ZNF532: variants seen among roughly 807,000 people sequenced by gnomAD.
ZNF532 encodes zinc finger protein 532.
A neutral mutation model predicts 89.3 loss-of-function variants in ZNF532; 22 were observed. The ratio of observed to expected loss-of-function variants is 0.25; its 90% confidence interval spans 0.18 to 0.35. The LOEUF is 0.35. ZNF532 is among the 10% of genes least tolerant of loss of function. The pLI is 1.00. For missense variants in ZNF532, 1,132 were observed against 1,643.4 expected, an observed-to-expected ratio of 0.69 and a Z score of 5.38; for synonymous variants, 606 against 649.6, an observed-to-expected ratio of 0.93 and a Z score of 1.02.
intron 7 of ZNF532, among the ~76,000 whole-genome samples, chr18:58,957,406 C>CATACATAT (rs1225813265): frequency 5.0e-5 from 7 of 138,912 alleles, no homozygotes; most frequent in East Asian, 4.6e-4. Flanking sequence ...ACTTAAAATA[C>CATACATAT]ATATATATAT....
intron 2 of ZNF532, among the ~76,000 whole-genome samples, chr18:58,888,731 TATATATATATTTTA>T (rs1568245201): frequency 1.0e-4 from 5 of 49,972 alleles, no homozygotes; most frequent in African/African-American, 3.3e-4. Flanking sequence ...ATATAAATTA[TATATATATATTTTA>T]TATATATATA....
intron 2 of ZNF532, among the ~76,000 whole-genome samples, chr18:58,910,793 G>C (rs1234164319): frequency 6.6e-6 from 1 of 151,932 alleles, no homozygotes; most frequent in Non-Finnish European, 1.5e-5. Context: ...TCAAGGGTTT[G>C]ACAGATGCAC....
intron 4 of ZNF532, among the ~76,000 whole-genome samples, chr18:58,938,799 G>A (rs1285646553): frequency 6.6e-6 from 1 of 152,196 alleles, no homozygotes; most frequent in East Asian, 1.9e-4. Flanking sequence ...AGATGGGTAG[G>A]AAACTCAGGG....
chr18:58,950,728 A>G (rs1430736293), intron 6 of ZNF532, among the ~76,000 whole-genome samples: 2 of 152,174 alleles, frequency 1.3e-5, no homozygotes, highest in Non-Finnish European at 1.5e-5. Context: ...AGTTACAGAC[A>G]CTCATTCAAA....
chr18:58,914,000 T>C (rs1057174054), intron 2 of ZNF532, among the ~76,000 whole-genome samples: 1 of 152,254 alleles, frequency 6.6e-6, no homozygotes, highest in African/African-American at 2.4e-5. Context: ...ACTGACATTC[T>C]CTAATTGGAA....
intron 2 of ZNF532, among the ~76,000 whole-genome samples, chr18:58,867,412 G>A (rs2056573349): frequency 6.6e-6 from 1 of 152,144 alleles, no homozygotes; most frequent in South Asian, 2.1e-4. Context: ...TCTCTGGGGC[G>A]GGAGTCATGA....
At chr18:58,907,284 C>T (rs569824882) in intron 2 of ZNF532, among the ~76,000 whole-genome samples, 2 of 152,230 alleles carry the variant, frequency 1.3e-5, no homozygotes, top group African/African-American at 4.8e-5. Flanking sequence ...CTCCTGGGCT[C>T]AAGCGATTCT....
At chr18:58,892,875 G>A (rs543707020) in intron 2 of ZNF532, among the ~76,000 whole-genome samples, 2 of 151,966 alleles carry the variant, frequency 1.3e-5, no homozygotes, top group African/African-American at 2.4e-5. Context: ...TGTGACTGCT[G>A]TTTCTGTAGT....
intron 2 of ZNF532, among the ~76,000 whole-genome samples, chr18:58,917,544 A>AC (rs1396871469): frequency 1.3e-5 from 2 of 152,128 alleles, no homozygotes; most frequent in Non-Finnish European, 2.9e-5. Flanking sequence ...TCCCTCAAGC[A>AC]CTGCATGTAT....
At chr18:58,917,383 C>A (rs2060676695) in intron 2 of ZNF532, among the ~76,000 whole-genome samples, 1 of 152,206 alleles carries the variant, frequency 6.6e-6, no homozygotes, top group Non-Finnish European at 1.5e-5. Context: ...GACAAGTACA[C>A]ACAGACTGGA....
At position 58,972,353 on chromosome 18, in the gene ZNF532, G is replaced by A. The variant is rs534811436; in HGVS notation, c.3151-6702G>A. Among the ~76,000 whole-genome samples, 19 of 152,348 alleles carry A rather than the reference G, an allele frequency of 1.2e-4. No homozygotes were observed. In the South Asian group the frequency reaches 3.9e-3, roughly 32 times the overall value. On this transcript the variant is annotated intron_variant, in intron 7 of 9. Transcript: ENST00000591808. ...GTATATTCAGAAAAGTGGGAAGGCTGTGTCATTAGAAATTGACAGTGGTTA... is the reference window on the plus strand; with the variant it reads ...GTATATTCAGAAAAGTGGGAAGGCTATGTCATTAGAAATTGACAGTGGTTA...
chr18:58,876,227 C>G (rs1312077498), intron 2 of ZNF532, among the ~76,000 whole-genome samples: 1 of 152,132 alleles, frequency 6.6e-6, no homozygotes, highest in Non-Finnish European at 1.5e-5. Flanking sequence ...AGCCACCGCG[C>G]CCAGCCTCAC....
intron 2 of ZNF532, among the ~76,000 whole-genome samples, chr18:58,883,754 CCA>C (rs1397782976): frequency 3.5e-5 from 5 of 143,756 alleles, no homozygotes; most frequent in African/African-American, 1.5e-4. Flanking sequence ...TGACCTCTAC[CCA>C]CTATATGCCA....
chr18:58,944,944 C>G (rs1411368547), intron 5 of ZNF532, among the ~76,000 whole-genome samples: 1 of 152,194 alleles, frequency 6.6e-6, no homozygotes, highest in Admixed American at 6.5e-5. Flanking sequence ...GTGTTCTGCT[C>G]TCTTCCACAA....
At chr18:58,935,004 A>G (rs1213411242) in intron 4 of ZNF532, among the ~76,000 whole-genome samples, 1 of 152,070 alleles carries the variant, frequency 6.6e-6, no homozygotes, top group African/African-American at 2.4e-5. Context: ...AAACAGAAAT[A>G]GTGCGATGGT....
Position 58,888,717 on chromosome 18 carries a change from A to AAAAT in ZNF532, c.-18+23138_-18+23139insAAAT, listed in dbSNP as rs1568244768. 6.5e-4 allele frequency among the ~76,000 whole-genome samples: 32 copies of AAAAT among 49,486 alleles called. 2 individuals carry two copies. Among genetic ancestry groups the AAAAT allele is most frequent in the Admixed American group, 2.9e-3 (8 of 2,768 alleles). The allele number at this position is 49,486 out of a possible 152,430, so 32.5% of individuals were successfully genotyped here. On this transcript the variant is annotated intron_variant, in intron 2 of 9. Transcript: ENST00000591808. ...AAAAATTATATATATATATATATAT[A>AAAAT]TATATATAAATTATATATATATATT... is the stretch of plus-strand genomic sequence containing the variant.
At chr18:58,976,676 G>A (rs189125587) in intron 7 of ZNF532, among the ~76,000 whole-genome samples, 3 of 152,128 alleles carry the variant, frequency 2.0e-5, no homozygotes, top group Admixed American at 2.0e-4. Flanking sequence ...GGGATTATAG[G>A]CACCTGCCAT....
At chr18:58,888,785 A>ATAT (rs1568246462) in intron 2 of ZNF532, among the ~76,000 whole-genome samples, 1 of 43,054 alleles carries the variant, frequency 2.3e-5, no homozygotes, top group African/African-American at 1.2e-4. Flanking sequence ...ATATATATAT[A>ATAT]AAATATATAT....
In ZNF532 at chr18:58,888,887, TATTTTATA is replaced by T. The variant is rs1306644355; in HGVS notation, c.-18+23309_-18+23316del. 7.5e-3 allele frequency among the ~76,000 whole-genome samples: 393 copies of T among 52,432 alleles called. 29 individuals are homozygous for T. The highest frequency in any genetic ancestry group is 0.034 in the African/African-American group (371 of 10,844). 34.4% of individuals were successfully genotyped at this position (52,432 alleles called of 152,430 possible). A position where few individuals can be genotyped will look rare whatever the true frequency, so the allele number is the denominator to read the frequency against. ...ATATATAATATATATTATATATATATATTTTATATATATATATATATATATAATTCATA... is the reference window on the plus strand; with the variant it reads ...ATATATAATATATATTATATATATATTATATATATATATATATAATTCATA... On this transcript the variant is annotated intron_variant, in intron 2 of 9. Coordinates refer to ENST00000591808, the MANE Select transcript of ZNF532 (RefSeq NM_001375912.1).
Sources: gnomAD v4.1 joint callset for allele counts (sites outside exome capture counted in the v4.1 genomes callset) on GRCh38, gnomAD v4.1.1 for gene constraint, MANE v1.5 for transcripts, NCBI Gene and HGNC (gene_info 2026-07-23, HGNC 2026-07-21) for gene names.